The following ALG10 variants were observed in gnomAD, a reference collection of about 807,000 sequenced individuals.
The protein encoded by ALG10 is ALG10 alpha-1,2-glucosyltransferase, also known as dol-P-Glc:Glc(2)Man(9)GlcNAc(2)-PP-Dol alpha-1,2-glucosyltransferase A.
Under a neutral mutation model 39.2 loss-of-function variants are expected in ALG10, and 25 were observed. The ratio of observed to expected loss-of-function variants is 0.64; its 90% CI spans 0.46 to 0.89. The LOEUF is 0.89. ALG10 is among the 40% of genes least tolerant of loss of function. The pLI, the probability that ALG10 is intolerant of heterozygous loss-of-function variation, is 0.00. For missense variants in ALG10, 486 were observed against 546.6 expected (o/e 0.89, Z 1.11); for synonymous variants, 184 against 193.9 (o/e 0.95, Z 0.42).
chr12:34,026,864 C>G lies in ALG10; in HGVS notation c.1371C>G (p.Asn457Lys). 1 of 1,613,688 alleles carries G rather than the reference C, an allele frequency of 6.2e-7. No homozygotes were observed. The highest frequency in any genetic ancestry group is 8.5e-7 in the Non-Finnish European group (1 of 1,179,790). ...VNFITFFIFL[N>K]KTFQWPNSQD... ...TCATAACTTTTTTCATCTTTCTGAA[C>G]AAGACTTTTCAGTGGCCAAATAGTC... Residue 457 changes from asparagine (N) to lysine (K), a missense_variant, in exon 3 of 3, where the codon AAC becomes AAG. Asn to Lys is a moderately conservative substitution (Grantham distance 94). Transcript: ENST00000266483.
At position 34,025,895 on chromosome 12, in the gene ALG10, A is replaced by G; in HGVS notation, c.402A>G (p.Thr134=). The part of the protein sequence containing the change: ...AASSIQRVLS[T]LTLAVFPTLY... ...CAAGTATCCAGAGAGTCTTGTCAAC[A>G]TTAACACTAGCAGTATTTCCAACAC... Residue 134 remains threonine (T), a synonymous_variant, in exon 3 of 3, where the codon ACA becomes ACG. Coordinates refer to ENST00000266483, the MANE Select transcript of ALG10 (RefSeq NM_032834.4). The G allele has an allele frequency of 6.2e-7, 1 of 1,614,006 alleles. No homozygotes were observed. The highest frequency in any genetic ancestry group is 8.5e-7 in the Non-Finnish European group (1 of 1,179,910).
Position 34,026,439 on chromosome 12 carries a change from C to A in ALG10, c.946C>A (p.Leu316Ile), listed in dbSNP as rs778871230. Residue 316 changes from leucine (L) to isoleucine (I), a missense_variant, in exon 3 of 3, where the codon CTT (leucine) becomes ATT (isoleucine). Physicochemically the swap from Leu to Ile is conservative, Grantham distance 5 (BLOSUM62 2). Transcript: ENST00000266483. ...LLSPSKIKTF[L>I]SLVWKRRILF... The stretch of plus-strand genomic sequence containing the variant: ...GTCTCCTAGCAAAATTAAGACTTTT[C>A]TTTCCTTAGTTTGGAAACGTAGAAT... 13 of 1,613,816 alleles carry A rather than the reference C, an allele frequency of 8.1e-6. No individual in the cohort carries two copies. Among genetic ancestry groups the A allele is most frequent in the East Asian group, 6.7e-5 (3 of 44,842 alleles).
chr12:34,022,832 C>G, intron 1 of ALG10, 62 bp downstream of exon 1: 12 of 1,608,736 alleles, frequency 7.5e-6, no homozygotes, highest in Non-Finnish European at 1.0e-5. Flanking sequence ...GTCCCCACGT[C>G]CTCCCATCCT....
rs1942857496 is a variant in ALG10 at position 34,028,245 on chromosome 12, T to G, written c.*1330T>G. On this transcript the variant is annotated 3_prime_UTR_variant, in exon 3 of 3. Coordinates refer to ENST00000266483, the MANE Select transcript of ALG10 (RefSeq NM_032834.4). Reference sequence around the variant, plus strand: ...TATACTTATGAGAAACAAAGTGGCATTATGATTTTTGAATATAATGTGGGA... The same window carrying G: ...TATACTTATGAGAAACAAAGTGGCAGTATGATTTTTGAATATAATGTGGGA... 6.6e-6 allele frequency: 1 copy of G among 152,208 alleles called. No homozygotes were observed. Among genetic ancestry groups the G allele is most frequent in the South Asian group, 2.1e-4 (1 of 4,830 alleles). 9.4% of individuals were successfully genotyped at this position (152,208 alleles called of 1,614,324 possible).
chr12:34,023,797 T>G lies in ALG10; in HGVS notation c.172-165T>G, dbSNP rs1409398378. 5.3e-6 allele frequency: 5 copies of G among 939,470 alleles called. No homozygotes were observed. In the East Asian group the frequency reaches 1.3e-4, roughly 24 times the overall value. The allele number at this position is 939,470 out of a possible 1,614,324, so 58.2% of individuals were successfully genotyped here. ...ACTAAGCTGGTCCGGGGGCAAAAAA[T>G]AAGAAAAACGAATCCTGTTCTGCCA... On this transcript the variant is annotated intron_variant, in intron 1 of 2. Transcript: ENST00000266483.
At chr12:34,025,405 A>T (rs1270717697) in intron 2 of ALG10, among the ~76,000 whole-genome samples, 1 of 152,176 alleles carries the variant, frequency 6.6e-6, no homozygotes, top group Non-Finnish European at 1.5e-5. Context: ...GCATGTTTAT[A>T]TTCTCCCTTG....
chr12:34,025,190 G>A (rs1310723597), intron 2 of ALG10, among the ~76,000 whole-genome samples: 1 of 152,126 alleles, frequency 6.6e-6, no homozygotes. Flanking sequence ...CAAGGAAATG[G>A]CATGGTCTGA....
chr12:34,027,881 T>TC lies in ALG10; in HGVS notation c.*968dup, dbSNP rs1197647854. ...TTCTTTGGCTTCTGGACAAATCTTG[T>TC]CCAAGTATTGCAGACAGCAATCTTC... On this transcript the variant is annotated 3_prime_UTR_variant, in exon 3 of 3. Coordinates refer to ENST00000266483, the MANE Select transcript of ALG10 (RefSeq NM_032834.4). 4.6e-5 allele frequency: 7 copies of TC among 152,196 alleles called. No homozygotes were observed. Among genetic ancestry groups the TC allele is most frequent in the African/African-American group, 7.2e-5 (3 of 41,444 alleles). 9.4% of individuals were successfully genotyped at this position (152,196 alleles called of 1,614,324 possible). A position where few individuals can be genotyped will look rare whatever the true frequency, so the allele number is the denominator to read the frequency against.
chr12:34,024,102 T>C lies in ALG10; in HGVS notation c.312T>C (p.Ser104=), dbSNP rs377404877. The change falls in exon 2 of 3, where the codon AGT becomes AGC. Residue 104 remains serine, a synonymous_variant. Transcript: ENST00000266483. ...TCAGATTTGTTAATCTTCTCTTCAG[T>C]GTTGGCAACTTCTATTTACTATATT... is the stretch of plus-strand genomic sequence containing the variant. ...GMLRFVNLLF[S]VGNFYLLYLL... is the part of the protein sequence containing the mutation. 5.6e-6 allele frequency: 9 copies of C among 1,614,162 alleles called. No individual in the cohort carries two copies. In the East Asian group the frequency reaches 6.7e-5, roughly 12 times the overall value.
upstream of ALG10, chr12:34,022,456 C>G: frequency 2.2e-6 from 3 of 1,351,902 alleles, no homozygotes; most frequent in South Asian, 3.8e-5. Flanking sequence ...CCGCGCTCTC[C>G]CAGCATCCTT....
At chr12:34,023,860 A>C in intron 1 of ALG10, 102 bp from the exon 2 acceptor site, 2 of 1,446,456 alleles carry the variant, frequency 1.4e-6, no homozygotes, top group South Asian at 1.1e-5. Context: ...AACTTCTCAA[A>C]ATTTCTGATT....
Position 34,026,409 on chromosome 12 carries a change from C to A in ALG10, c.916C>A (p.Leu306Ile), listed in dbSNP as rs1340157711. The A allele has an allele frequency of 5.6e-6, 9 of 1,613,906 alleles. No individual in the cohort carries two copies. Among genetic ancestry groups the A allele is most frequent in the Non-Finnish European group, 7.6e-6 (9 of 1,179,952 alleles). ...SFTLFFSFPH[L>I]LSPSKIKTFL... The stretch of plus-strand genomic sequence containing the variant: ...TACTCTCTTTTTTTCCTTTCCTCAT[C>A]TCCTGTCTCCTAGCAAAATTAAGAC... Residue 306 changes from leucine to isoleucine, a missense_variant, in exon 3 of 3, where the codon CTC becomes ATC. Physicochemically the swap from Leu to Ile is conservative, Grantham distance 5. Transcript: ENST00000266483.
chr12:34,025,125 T>C (rs562696334), intron 2 of ALG10, among the ~76,000 whole-genome samples: 1 of 152,316 alleles, frequency 6.6e-6, no homozygotes, highest in Admixed American at 6.5e-5. Context: ...TGCCCTTATG[T>C]GTCACAGAGA....
chr12:34,023,408 A>T, intron 1 of ALG10: 1 of 184,940 alleles, frequency 5.4e-6, no homozygotes, highest in Non-Finnish European at 1.1e-5. Flanking sequence ...TTAGAGAAAG[A>T]TCTGATCTTA....
upstream of ALG10, chr12:34,022,448 G>T: frequency 1.6e-6 from 2 of 1,250,392 alleles, no homozygotes; most frequent in Admixed American, 3.8e-5. Context: ...TTCCGGATCC[G>T]CGCTCTCCCA....
At position 34,026,162 on chromosome 12, in the gene ALG10, T is replaced by C; in HGVS notation, c.669T>C (p.Ile223=). ...AGAAGGAAGACAGACTTCCACCTAT[T>C]AAAGGACCATTTGCAGAATTCAGAA... ...LQKKEDRLPP[I]KGPFAEFRKI... Residue 223 remains isoleucine, a synonymous_variant, in exon 3 of 3, where the codon ATT becomes ATC. Coordinates refer to ENST00000266483, the MANE Select transcript of ALG10 (RefSeq NM_032834.4). 1 of 1,614,096 alleles carries C rather than the reference T, an allele frequency of 6.2e-7. No individual in the cohort carries two copies. The highest frequency in any genetic ancestry group is 8.5e-7 in the Non-Finnish European group (1 of 1,179,960).
In ALG10 at chr12:34,022,534, A is replaced by G. The variant is rs1942788109; in HGVS notation, c.-66A>G. ...GCGCCCATTTCGAGCCCAAGTTTCCAGCTCGGGTTTCCAGGCTCAGAATTT... is the reference window on the plus strand; with the variant it reads ...GCGCCCATTTCGAGCCCAAGTTTCCGGCTCGGGTTTCCAGGCTCAGAATTT... On this transcript the variant is annotated 5_prime_UTR_variant, in exon 1 of 3. Transcript: ENST00000266483. 8.1e-6 allele frequency: 13 copies of G among 1,613,156 alleles called. 1 individual carries two copies. The highest frequency in any genetic ancestry group is 6.6e-5 in the South Asian group (6 of 91,020).
intron 1 of ALG10, chr12:34,023,642 T>C: frequency 2.6e-6 from 1 of 377,484 alleles, no homozygotes; most frequent in South Asian, 2.3e-5. Context: ...AAACAATGTT[T>C]CCATGCTTTT....
chr12:34,023,512 TTACTA>T (rs1198351679), intron 1 of ALG10: 2 of 197,504 alleles, frequency 1.0e-5, no homozygotes, highest in African/African-American at 2.4e-5. Flanking sequence ...ACAATAATCT[TTACTA>T]TAGGGCATAT....
Sources: gnomAD v4.1 joint callset for allele counts (sites outside exome capture counted in the v4.1 genomes callset) on GRCh38, gnomAD v4.1.1 for gene constraint, MANE v1.5 for transcripts, NCBI Gene and HGNC (gene_info 2026-07-23, HGNC 2026-07-21) for gene names.